The following CDR2 variants were observed in gnomAD, a reference collection of about 807,000 sequenced individuals.
CDR2 encodes the protein cerebellar degeneration-related protein 2.
A neutral mutation model predicts 48.4 loss-of-function variants in CDR2; 34 were observed. The ratio of observed to expected loss-of-function variants is 0.70; its 90% confidence interval spans 0.53 to 0.94. The LOEUF (loss-of-function observed/expected upper bound fraction) is 0.94, where lower values mean the gene tolerates loss of function less well. CDR2 is among the 40% of genes least tolerant of loss of function. The pLI, the probability that CDR2 is intolerant of heterozygous loss-of-function variation, is 0.00. For missense variants in CDR2, 498 were observed against 549.5 expected (o/e 0.91, Z 0.94); for synonymous variants, 240 against 219.7 (o/e 1.09, Z -0.82).
At chr16:22,357,988 A>C (rs886252270) in intron 2 of CDR2, among the ~76,000 whole-genome samples, 1 of 152,222 alleles carries the variant, frequency 6.6e-6, no homozygotes, top group African/African-American at 2.4e-5. Context: ...ACCAAAATTA[A>C]TCAGAAAAGC....
intron 1 of CDR2, among the ~76,000 whole-genome samples, chr16:22,370,014 A>G (rs1333825764): frequency 1.3e-5 from 2 of 152,232 alleles, no homozygotes; most frequent in Non-Finnish European, 2.9e-5. Context: ...GAATTTCAAC[A>G]TATCAATACC....
chr16:22,366,553 C>A (rs1832437574), intron 1 of CDR2, among the ~76,000 whole-genome samples: 2 of 151,996 alleles, frequency 1.3e-5, no homozygotes, highest in South Asian at 2.1e-4. Flanking sequence ...GCACTCCAGG[C>A]AGAGGCAAGG....
At position 22,354,358 on chromosome 16, in the gene CDR2, C is replaced by T. The variant is rs149950204; in HGVS notation, c.193-4509G>A. Among the ~76,000 whole-genome samples the T allele has an allele frequency of 3.9e-5, 6 of 152,312 alleles. No individual in the cohort carries two copies. In the East Asian group the frequency reaches 1.2e-3, roughly 29 times the overall value. On this transcript the variant is annotated intron_variant, in intron 2 of 4. Coordinates refer to ENST00000268383, the MANE Select transcript of CDR2 (RefSeq NM_001802.2). Reference sequence around the variant, plus strand: ...CTTCAGCTTAATGCTCACCGTCTCCCTGCATAGGGCTCAGCTTAGATGCAG... The same window carrying T: ...CTTCAGCTTAATGCTCACCGTCTCCTTGCATAGGGCTCAGCTTAGATGCAG...
Position 22,349,928 on chromosome 16 carries a change from C to T in CDR2, c.193-79G>A, listed in dbSNP as rs1598290739. ...TCTTGGCTGGCTGCGGTGGCTCACG[C>T]CTGTAATCCCAGCACTTTGGGAGGC... On this transcript the variant is annotated intron_variant, in intron 2 of 4. Transcript: ENST00000268383. The T allele has an allele frequency of 1.0e-5, 14 of 1,369,138 alleles. No individual in the cohort carries two copies. The Admixed American group carries it at 2.3e-4, about 23-fold the overall frequency. 84.8% of individuals were successfully genotyped at this position (1,369,138 alleles called of 1,614,324 possible). A position where few individuals can be genotyped will look rare whatever the true frequency, so the allele number is the denominator to read the frequency against.
intron 1 of CDR2, among the ~76,000 whole-genome samples, chr16:22,365,798 G>A (rs1159444195): frequency 1.3e-5 from 2 of 152,110 alleles, no homozygotes; most frequent in Admixed American, 1.3e-4. Flanking sequence ...TGTAACATAC[G>A]TCATTGAAAT....
chr16:22,347,102 G>C lies in CDR2; in HGVS notation c.1228C>G (p.Pro410Ala). 1 of 1,614,124 alleles carries C rather than the reference G, an allele frequency of 6.2e-7. No homozygotes were observed. The highest frequency in any genetic ancestry group is 8.5e-7 in the Non-Finnish European group (1 of 1,180,016). The change falls in exon 5 of 5, where the codon CCA becomes GCA. Residue 410 changes from proline (P) to alanine (A), a missense_variant. Pro to Ala is a conservative substitution (Grantham distance 27). Coordinates refer to ENST00000268383, the MANE Select transcript of CDR2 (RefSeq NM_001802.2). ...GTTGTAGGGGAACTCACGGGCTCTG[G>C]GTTGACAGAGGCCAGTTCCCAGCCG... ...ASGWELASVN[P>A]EPVSSPTTPP...
chr16:22,369,686 C>T (rs866986751), intron 1 of CDR2, among the ~76,000 whole-genome samples: 6 of 152,218 alleles, frequency 3.9e-5, no homozygotes, highest in South Asian at 4.1e-4. Flanking sequence ...TTAAAGACAC[C>T]GGACTTTGTC....
rs192704838 is a variant in CDR2, at chr16:22,346,221, A to G, written c.*744T>C. 2 of 152,636 alleles carry G rather than the reference A, an allele frequency of 1.3e-5. No individual in the cohort carries two copies. Among genetic ancestry groups the G allele is most frequent in the Non-Finnish European group, 2.9e-5 (2 of 68,030 alleles). 9.5% of individuals were successfully genotyped at this position (152,636 alleles called of 1,614,324 possible). On this transcript the variant is annotated 3_prime_UTR_variant, in exon 5 of 5. Transcript: ENST00000268383. ...CTTTCCCCTTTAGTTTGAATTTGAG[A>G]AAGTGATAAAAGATTTACATATTCA...
rs549084196 is a variant in CDR2, at chr16:22,352,450, T to C, written c.193-2601A>G. Among the ~76,000 whole-genome samples the C allele has an allele frequency of 4.6e-5, 7 of 152,140 alleles. No homozygotes were observed. The South Asian group carries it at 8.3e-4, about 18-fold the overall frequency. ...ACTTAACCTAACTTCAACTTTCTCA[T>C]CTGAAACTCTTGAAGTCAAAAGTGT... On this transcript the variant is annotated intron_variant, in intron 2 of 4. Transcript: ENST00000268383.
chr16:22,366,364 A>G (rs1424893269), intron 1 of CDR2, among the ~76,000 whole-genome samples: 1 of 152,248 alleles, frequency 6.6e-6, no homozygotes, highest in South Asian at 2.1e-4. Context: ...ACTGGGAGAA[A>G]CAGCACAATA....
intron 2 of CDR2, among the ~76,000 whole-genome samples, chr16:22,353,173 T>C (rs1246239470): frequency 6.6e-6 from 1 of 152,196 alleles, no homozygotes; most frequent in Non-Finnish European, 1.5e-5. Flanking sequence ...TTTATTAATA[T>C]ACAACAGGAA....
At chr16:22,365,376 T>G (rs951834558) in intron 1 of CDR2, among the ~76,000 whole-genome samples, 2 of 152,186 alleles carry the variant, frequency 1.3e-5, no homozygotes, top group Non-Finnish European at 2.9e-5. Context: ...TGAGCCAAGG[T>G]ATAGGTGGAG....
chr16:22,365,130 G>A (rs1598295875), intron 1 of CDR2, 116 bp from the exon 2 acceptor site: 1 of 682,728 alleles, frequency 1.5e-6, no homozygotes, highest in East Asian at 2.7e-5. Context: ...GGAAGGTGGA[G>A]TGGCACAGAA....
At chr16:22,373,297 A>G (rs534537543) in intron 1 of CDR2, among the ~76,000 whole-genome samples, 1 of 152,332 alleles carries the variant, frequency 6.6e-6, no homozygotes, top group South Asian at 2.1e-4. Flanking sequence ...TTCTAAGTGA[A>G]AGCTGGCGTG....
Position 22,347,709 on chromosome 16 carries a change from G to A in CDR2, c.621C>T (p.Ala207=), listed in dbSNP as rs776348664. Residue 207 remains alanine (A), a synonymous_variant, in exon 5 of 5, where the codon GCC becomes GCT. Coordinates refer to ENST00000268383, the MANE Select transcript of CDR2 (RefSeq NM_001802.2). ...HLKKTVTMLQ[A]QLSLERQKRV... ...GCTTCTGCCGCTCCAGGCTCAGCTGGGCCTGCAACATTGTCACTGTTTTTT... is the reference window on the plus strand; with the variant it reads ...GCTTCTGCCGCTCCAGGCTCAGCTGAGCCTGCAACATTGTCACTGTTTTTT... 1 of 1,612,444 alleles carries A rather than the reference G, an allele frequency of 6.2e-7. No homozygotes were observed. The highest frequency in any genetic ancestry group is 8.5e-7 in the Non-Finnish European group (1 of 1,179,654).
At chr16:22,353,988 A>G (rs1020815742) in intron 2 of CDR2, among the ~76,000 whole-genome samples, 16 of 152,210 alleles carry the variant, frequency 1.1e-4, no homozygotes, top group African/African-American at 3.9e-4. Context: ...AGAGCTCAGC[A>G]TGAGATCTGG....
In CDR2 at chr16:22,346,823, G is replaced by A. The variant is rs377088027; in HGVS notation, c.*142C>T. 143 of 887,410 alleles carry A rather than the reference G, an allele frequency of 1.6e-4. 3 individuals are homozygous for A. Among genetic ancestry groups the A allele is most frequent in the East Asian group, 1.2e-3 (51 of 40,956 alleles). 55.0% of individuals were successfully genotyped at this position (887,410 alleles called of 1,614,324 possible). ...ATACCACTAGCCACCTCCTTTCCTC[G>A]TTGTATGCATTTGCTAAATAAGCAA... On this transcript the variant is annotated 3_prime_UTR_variant, in exon 5 of 5. Coordinates refer to ENST00000268383, the MANE Select transcript of CDR2 (RefSeq NM_001802.2).
At position 22,347,268 on chromosome 16, in the gene CDR2, G is replaced by A. The variant is rs750932109; in HGVS notation, c.1062C>T (p.Ser354=). ...SLLHEVDTQY[S]ALKVKYEELL... The stretch of plus-strand genomic sequence containing the variant: ...ACTCTTCATACTTCACCTTCAGGGC[G>A]CTGTACTGCGTGTCCACTTCGTGCA... Residue 354 remains serine (S), a synonymous_variant, in exon 5 of 5, where the codon AGC becomes AGT. Coordinates refer to ENST00000268383, the MANE Select transcript of CDR2 (RefSeq NM_001802.2). 27 of 1,614,106 alleles carry A rather than the reference G, an allele frequency of 1.7e-5. No individual in the cohort carries two copies. The highest frequency in any genetic ancestry group is 2.2e-5 in the East Asian group (1 of 44,890).
intron 2 of CDR2, among the ~76,000 whole-genome samples, chr16:22,364,080 C>T (rs2049028722): frequency 6.6e-6 from 1 of 152,096 alleles, no homozygotes; most frequent in East Asian, 1.9e-4. Flanking sequence ...GCTGGGACTA[C>T]AGGCACACGC....
Sources: gnomAD v4.1 joint callset for allele counts (sites outside exome capture counted in the v4.1 genomes callset) on GRCh38, gnomAD v4.1.1 for gene constraint, MANE v1.5 for transcripts, NCBI Gene and HGNC (gene_info 2026-07-23, HGNC 2026-07-21) for gene names.